PLK5: variants seen among roughly 807,000 people sequenced by gnomAD.
The protein encoded by PLK5 is inactive serine/threonine-protein kinase PLK5.
In PLK5, 28 loss-of-function variants were observed where a neutral mutation model predicts 33.7. The observed-to-expected ratio is 0.83, with a 90% confidence interval of 0.62 to 1.14. PLK5 has a LOEUF of 1.14. PLK5 is among the 50% of genes most tolerant of loss of function. The probability of loss-of-function intolerance (pLI) is 0.00; values close to 1 mark genes in which losing one functional copy is unlikely to be tolerated. For missense variants in PLK5, 492 were observed against 461.5 expected (o/e 1.07, Z -0.61); for synonymous variants, 225 against 202.2 (o/e 1.11, Z -0.96).
intron 13 of PLK5, among the ~76,000 whole-genome samples, 200 bp downstream of exon 13, chr19:1,534,241 G>C (rs1914021535): frequency 6.6e-6 from 1 of 152,046 alleles, no homozygotes; most frequent in African/African-American, 2.4e-5. Context: ...AGGCACTGTG[G>C]TCCACACCTC....
At chr19:1,529,344 C>T in intron 9 of PLK5, 62 bp from the exon 10 acceptor site, 2 of 1,408,384 alleles carry the variant, frequency 1.4e-6, no homozygotes, top group Non-Finnish European at 1.9e-6. Context: ...CTGCCACCCA[C>T]CTCACGCCTG....
In PLK5 at chr19:1,524,318, G is replaced by C. The variant is rs935942587; in HGVS notation, c.-544+72G>C. On this transcript the variant is annotated intron_variant, in intron 1 of 13. Coordinates refer to ENST00000454744, the MANE Select transcript of PLK5 (RefSeq NM_001243079.2). The surrounding 1 kb of genome is among the most constrained non-coding windows in gnomAD (Gnocchi z 4.5). ...GGCTGGGGTCCCGGGGCGCGCGGGCGATCCTGCGCGGTCTACGCGGCGCGT... is the reference window on the plus strand; with the variant it reads ...GGCTGGGGTCCCGGGGCGCGCGGGCCATCCTGCGCGGTCTACGCGGCGCGT... The C allele has an allele frequency of 7.9e-5, 12 of 151,600 alleles. No individual in the cohort carries two copies. Among genetic ancestry groups the C allele is most frequent in the African/African-American group, 2.9e-4 (12 of 41,464 alleles). 9.4% of individuals were successfully genotyped at this position (151,600 alleles called of 1,614,324 possible). A position where few individuals can be genotyped will look rare whatever the true frequency, so the allele number is the denominator to read the frequency against.
intron 1 of PLK5, 124 bp from the exon 2 acceptor site, chr19:1,525,181 C>T (rs1349301160): frequency 6.5e-6 from 1 of 152,912 alleles, no homozygotes; most frequent in African/African-American, 2.4e-5. Flanking sequence ...TTGTTTTTTC[C>T]CCGGTGTGTG....
In PLK5 at chr19:1,528,015, T is replaced by C. The variant is rs1442767066; in HGVS notation, c.82T>C (p.Tyr28His). ...EMYQNIREGHYPEPAHLSANA... is the reference protein window; with the variant it reads ...EMYQNIREGHHPEPAHLSANA... The stretch of plus-strand genomic sequence containing the variant: ...GTACCAAAACATCCGTGAGGGCCAC[T>C]ACCCCGAACCCGCTCACCTGTCTGC... Residue 28 changes from tyrosine (Y) to histidine (H), a missense_variant, in exon 7 of 14, where the codon TAC (tyrosine) becomes CAC (histidine). Physicochemically the swap from Tyr to His is moderately conservative, Grantham distance 83. Transcript: ENST00000454744. 7.8e-6 allele frequency: 12 copies of C among 1,535,950 alleles called. No individual in the cohort carries two copies. Among genetic ancestry groups the C allele is most frequent in the Non-Finnish European group, 1.0e-5 (12 of 1,146,866 alleles).
At chr19:1,533,740 C>G (rs1221726473) in intron 12 of PLK5, 191 bp from the exon 13 acceptor site, 1 of 606,022 alleles carries the variant, frequency 1.7e-6, no homozygotes, top group East Asian at 2.7e-5. Context: ...ACATGCCCAA[C>G]TGCGGGAGGC....
intron 12 of PLK5, 119 bp downstream of exon 12, chr19:1,532,002 C>A: frequency 8.5e-7 from 1 of 1,176,484 alleles, no homozygotes; most frequent in Non-Finnish European, 1.1e-6. Context: ...CCTGCCTGGT[C>A]GGGGAGAACA....
At position 1,534,023 on chromosome 19, in the gene PLK5, C is replaced by T. The variant is rs1293520576; in HGVS notation, c.807C>T (p.Phe269=). The change falls in exon 13 of 14, where the codon TTC becomes TTT. Residue 269 remains phenylalanine (F), a synonymous_variant. Transcript: ENST00000454744. The part of the protein sequence containing the change: ...LASEHALLLL[F]SNGMVQVSFS... ...CTGAGCACGCCCTGCTGCTGCTGTTCAGCAATGGGATGGTGCAGGTGAGCC... is the reference window on the plus strand; with the variant it reads ...CTGAGCACGCCCTGCTGCTGCTGTTTAGCAATGGGATGGTGCAGGTGAGCC... 1.3e-6 allele frequency: 2 copies of T among 1,535,656 alleles called. No individual in the cohort carries two copies. The highest frequency in any genetic ancestry group is 2.4e-5 in the South Asian group (2 of 84,040).
chr19:1,535,136 G>T lies in PLK5; in HGVS notation c.897G>T (p.Trp299Cys). 6.5e-7 allele frequency: 1 copy of T among 1,535,822 alleles called. No individual in the cohort carries two copies. Among genetic ancestry groups the T allele is most frequent in the Non-Finnish European group, 8.7e-7 (1 of 1,146,736 alleles). ...GEGEGLQLTL[W>C]EQGSPGTSYS... ...GTGAGGGTTTGCAGCTCACCCTCTG[G>T]GAGCAGGGGTCCCCTGGCACCTCCT... Residue 299 changes from tryptophan (W) to cysteine (C), a missense_variant, in exon 14 of 14, where the codon TGG becomes TGT. Physicochemically the swap from Trp to Cys is radical, Grantham distance 215. Coordinates refer to ENST00000454744, the MANE Select transcript of PLK5 (RefSeq NM_001243079.2).
Position 1,524,802 on chromosome 19 carries a change from T to C in PLK5, c.-543-503T>C, listed in dbSNP as rs558697769. On this transcript the variant is annotated intron_variant, in intron 1 of 13. Coordinates refer to ENST00000454744, the MANE Select transcript of PLK5 (RefSeq NM_001243079.2). This position sits in a 1 kb window ranked among gnomAD's most constrained non-coding sequence, Gnocchi z 4.5. ...GTGTTCATGTGTTTGTATCTGTGTCTTTGTCCATGTGTTGTACTGTGTGTC... is the reference window on the plus strand; with the variant it reads ...GTGTTCATGTGTTTGTATCTGTGTCCTTGTCCATGTGTTGTACTGTGTGTC... 1.1e-3 allele frequency among the ~76,000 whole-genome samples: 172 copies of C among 152,194 alleles called. No homozygotes were observed. The highest frequency in any genetic ancestry group is 3.7e-3 in the African/African-American group (155 of 41,520).
At chr19:1,529,604 C>A in intron 10 of PLK5, 114 bp downstream of exon 10, 1 of 1,414,752 alleles carries the variant, frequency 7.1e-7, no homozygotes, top group Non-Finnish European at 9.6e-7. Context: ...CCGGCCTCAC[C>A]TTTCCCGCCT....
intron 12 of PLK5, among the ~76,000 whole-genome samples, chr19:1,532,491 C>T (rs1044711729): frequency 1.3e-5 from 2 of 150,550 alleles, no homozygotes; most frequent in Non-Finnish European, 1.5e-5. Context: ...CTGGGCCACA[C>T]AGCAAGACCT....
chr19:1,527,773 G>A (rs7254681), intron 6 of PLK5, among the ~76,000 whole-genome samples, 163 bp from the exon 7 acceptor site: 37,913 of 151,660 alleles, frequency 0.25, 5,946 homozygotes, highest in East Asian at 0.72. Flanking sequence ...ACCAAGCAGC[G>A]TGCATGGGAC....
In PLK5 at chr19:1,534,481, TG is replaced by T. The variant is rs1363400740; in HGVS notation, c.825+443del. On this transcript the variant is annotated intron_variant, in intron 13 of 13. Transcript: ENST00000454744. ...GAGATCACGCCACAGCACTCCAGCC[TG>T]GGCGACAGAGCAAGACTTCGTCTCA... 4.0e-5 allele frequency among the ~76,000 whole-genome samples: 5 copies of T among 123,836 alleles called. No individual in the cohort carries two copies. The East Asian group carries it at 1.2e-3, about 30-fold the overall frequency. The allele number at this position is 123,836 out of a possible 152,430, so 81.2% of individuals were successfully genotyped here.
intron 12 of PLK5, among the ~76,000 whole-genome samples, chr19:1,533,236 G>A (rs1404427741): frequency 6.6e-6 from 1 of 151,906 alleles, no homozygotes; most frequent in African/African-American, 2.4e-5. Flanking sequence ...GGGATTACAG[G>A]CACCCGCCAC....
At chr19:1,534,156 A>G (rs11084898) in intron 13 of PLK5, 115 bp downstream of exon 13, 14,629 of 73,010 alleles carry the variant, frequency 0.2, 519 homozygotes, top group African/African-American at 0.49. Context: ...GCCTCCCAGG[A>G]AAAAAAAAAA....
rs57882577 is a variant in PLK5, at chr19:1,524,600, CGT to C, written c.-544+385_-544+386del. On this transcript the variant is annotated intron_variant, in intron 1 of 13. Transcript: ENST00000454744. The surrounding 1 kb of genome is among the most constrained non-coding windows in gnomAD (Gnocchi z 4.5). ...AAGTGTCTGGGTGCTGTGCGGTGTT[CGT>C]GTGTGTGTGTGTGTGTGTGTGTGTG... is the stretch of plus-strand genomic sequence containing the variant. Among the ~76,000 whole-genome samples the C allele has an allele frequency of 0.14, 20,319 of 149,778 alleles. 1,500 individuals carry two copies. Among genetic ancestry groups the C allele is most frequent in the Admixed American group, 0.17 (2,586 of 15,038 alleles).
chr19:1,526,718 A>G lies in PLK5; in HGVS notation c.-168A>G. The G allele has an allele frequency of 2.0e-6, 1 of 510,270 alleles. No homozygotes were observed. Among genetic ancestry groups the G allele is most frequent in the Non-Finnish European group, 3.6e-6 (1 of 281,300 alleles). 31.6% of individuals were successfully genotyped at this position (510,270 alleles called of 1,614,324 possible). On this transcript the variant is annotated 5_prime_UTR_variant, in exon 5 of 14. Transcript: ENST00000454744. ...CCCACTGCCAGGTAACTTCTTCCTT[A>G]ACAAGAACATGGAGGTGAAGATTGG...
chr19:1,535,319 T>G lies in PLK5; in HGVS notation c.*69T>G. 1.4e-6 allele frequency: 2 copies of G among 1,459,802 alleles called. No homozygotes were observed. The highest frequency in any genetic ancestry group is 9.1e-7 in the Non-Finnish European group (1 of 1,098,302). The allele number at this position is 1,459,802 out of a possible 1,614,324, so 90.4% of individuals were successfully genotyped here. On this transcript the variant is annotated 3_prime_UTR_variant, in exon 14 of 14. Coordinates refer to ENST00000454744, the MANE Select transcript of PLK5 (RefSeq NM_001243079.2). ...GACCCAGGCTCCATTTCCATTCCTG[T>G]GGCTCCCCCAGAGGGGCTGTCCTGG...
In PLK5 at chr19:1,528,835, G is replaced by T. The variant is rs1007321826; in HGVS notation, c.329-63G>T. ...TCAGGGGTGGGTGTGGGTGGCAGGT[G>T]CCCCCCTACCCCCAGCTTGGGGCCC... On this transcript the variant is annotated intron_variant, in intron 8 of 13. Coordinates refer to ENST00000454744, the MANE Select transcript of PLK5 (RefSeq NM_001243079.2). 6 of 1,235,686 alleles carry T rather than the reference G, an allele frequency of 4.9e-6. 1 individual carries two copies. Among genetic ancestry groups the T allele is most frequent in the Non-Finnish European group, 6.5e-6 (6 of 920,198 alleles). 76.5% of individuals were successfully genotyped at this position (1,235,686 alleles called of 1,614,324 possible). A position where few individuals can be genotyped will look rare whatever the true frequency, so the allele number is the denominator to read the frequency against.
Sources: gnomAD v4.1 joint callset for allele counts (sites outside exome capture counted in the v4.1 genomes callset) on GRCh38, gnomAD v4.1.1 for gene constraint, Gnocchi (gnomAD v3.1) non-coding constraint, MANE v1.5 for transcripts, NCBI Gene and HGNC (gene_info 2026-07-23, HGNC 2026-07-21) for gene names.